DGKB: variants seen among roughly 807,000 people sequenced by gnomAD.
The protein encoded by DGKB is 90 kDa diacylglycerol kinase.
Under a neutral mutation model 114.3 loss-of-function variants are expected in DGKB, and 67 were observed. The observed-to-expected ratio is 0.59, with a 90% CI of 0.48 to 0.72. DGKB has a LOEUF of 0.72. Ranked by LOEUF, DGKB falls within the 30% of genes least tolerant of loss-of-function variation. The pLI is 0.00. For synonymous variants in DGKB, 398 were observed against 323.1 expected (o/e 1.23, Z -2.49); for missense variants, 907 against 975.2 (o/e 0.93, Z 0.93).
intron 13 of DGKB, among the ~76,000 whole-genome samples, chr7:14,672,688 T>G (rs987764226): frequency 3.3e-5 from 5 of 152,126 alleles, no homozygotes; most frequent in African/African-American, 1.2e-4. Flanking sequence ...GCAGCACGAC[T>G]AAGTGATAAA....
chr7:14,559,442 A>T (rs1796333997), intron 20 of DGKB, among the ~76,000 whole-genome samples: 1 of 152,110 alleles, frequency 6.6e-6, no homozygotes, highest in Non-Finnish European at 1.5e-5. Context: ...ACCCTCTGTA[A>T]AGGTAGCTGA....
At chr7:14,607,767 T>C (rs1201225298) in intron 16 of DGKB, among the ~76,000 whole-genome samples, 1 of 152,032 alleles carries the variant, frequency 6.6e-6, no homozygotes, top group Non-Finnish European at 1.5e-5. Context: ...GGATCCTTAA[T>C]ATGCACATAC....
chr7:14,823,281 T>C (rs1424637781), intron 2 of DGKB, among the ~76,000 whole-genome samples: 1 of 151,986 alleles, frequency 6.6e-6, no homozygotes, highest in Non-Finnish European at 1.5e-5. Context: ...TAAGACCTAT[T>C]TCTGCTTAAT....
intron 17 of DGKB, among the ~76,000 whole-genome samples, chr7:14,583,958 T>C (rs1171489276): frequency 6.6e-6 from 1 of 152,198 alleles, no homozygotes; most frequent in Non-Finnish European, 1.5e-5. Flanking sequence ...TAACAACTGA[T>C]AGTGATATAA....
rs568395156 is a variant in DGKB, at chr7:14,653,738, A to T, written c.1134+19191T>A. Among the ~76,000 whole-genome samples the T allele has an allele frequency of 5.5e-4, 84 of 152,264 alleles. 1 individual carries two copies. Among genetic ancestry groups the T allele is most frequent in the Non-Finnish European group, 6.8e-4 (46 of 68,010 alleles). ...GATGGTTCATATATGCAAATCAATA[A>T]ATGTGATATAATACATCAATAGAAT... On this transcript the variant is annotated intron_variant, in intron 13 of 25. Coordinates refer to ENST00000402815, the MANE Select transcript of DGKB (RefSeq NM_001350709.2).
chr7:14,606,826 A>T (rs749439097), intron 17 of DGKB, among the ~76,000 whole-genome samples: 1 of 152,208 alleles, frequency 6.6e-6, no homozygotes, highest in Non-Finnish European at 1.5e-5. Context: ...ACCTGTTAAC[A>T]ATGAAGTATA....
At chr7:14,755,732 A>T (rs886849509) in intron 3 of DGKB, among the ~76,000 whole-genome samples, 2 of 152,120 alleles carry the variant, frequency 1.3e-5, no homozygotes, top group African/African-American at 4.8e-5. Flanking sequence ...ATTATTTTCA[A>T]TTGGCTTTTA....
chr7:14,198,918 C>G (rs546662933), intron 23 of DGKB, among the ~76,000 whole-genome samples: 174 of 152,154 alleles, frequency 1.1e-3, no homozygotes, highest in Non-Finnish European at 1.5e-3. Flanking sequence ...TACAGCTATG[C>G]TGAAGGTCCC....
intron 1 of DGKB, among the ~76,000 whole-genome samples, chr7:14,859,175 G>A (rs558684561): frequency 5.9e-5 from 9 of 152,182 alleles, no homozygotes; most frequent in South Asian, 2.1e-4. Flanking sequence ...AGAAATGATC[G>A]AGGCAGAGAG....
In DGKB at chr7:14,913,554, G is replaced by A. The variant is rs185866911; in HGVS notation, c.-188+61142C>T. Among the ~76,000 whole-genome samples, 219 of 150,978 alleles carry A rather than the reference G, an allele frequency of 1.5e-3. 2 individuals are homozygous for A. The highest frequency in any genetic ancestry group is 5.3e-3 in the African/African-American group (216 of 41,070). On this transcript the variant is annotated intron_variant, in intron 1 of 4. Transcript: ENST00000437998. ...TCTGACATTAAGGACCTTTAACTAG[G>A]TGGAACCCAAGAAACAATTCTAATA...
intron 1 of DGKB, among the ~76,000 whole-genome samples, chr7:14,950,157 C>T (rs183815066): frequency 2.0e-5 from 3 of 151,612 alleles, no homozygotes; most frequent in Non-Finnish European, 4.4e-5. Flanking sequence ...GAAAATCCAA[C>T]ATGCTGGGAT....
At chr7:14,395,463 A>G (rs1161767250) in intron 21 of DGKB, among the ~76,000 whole-genome samples, 4 of 151,980 alleles carry the variant, frequency 2.6e-5, no homozygotes, top group African/African-American at 7.2e-5. Context: ...GAAATGTAAC[A>G]AAAAGGAAAA....
chr7:14,943,092 CTTTAT>C (rs575014357), intron 1 of DGKB, among the ~76,000 whole-genome samples: 25 of 151,864 alleles, frequency 1.6e-4, no homozygotes, highest in African/African-American at 6.0e-4. Flanking sequence ...TAATGGTGTG[CTTTAT>C]TTTCTTTCTT....
intron 13 of DGKB, among the ~76,000 whole-genome samples, chr7:14,659,473 T>C (rs565688130): frequency 0.013 from 1,903 of 150,926 alleles, 41 homozygotes; most frequent in African/African-American, 0.044. Context: ...GATTCCTAGG[T>C]ATTTTATTCT....
intron 10 of DGKB, among the ~76,000 whole-genome samples, chr7:14,683,203 A>C (rs1342410565): frequency 6.6e-6 from 1 of 152,176 alleles, no homozygotes; most frequent in African/African-American, 2.4e-5. Context: ...GAAGAGATCT[A>C]TATTTTACAA....
At chr7:14,500,908 A>G (rs2128954077) in intron 20 of DGKB, among the ~76,000 whole-genome samples, 1 of 152,056 alleles carries the variant, frequency 6.6e-6, no homozygotes, top group East Asian at 1.9e-4. Flanking sequence ...CAACGGCTGT[A>G]AACATTTCTA....
intron 2 of DGKB, among the ~76,000 whole-genome samples, chr7:14,821,076 G>C (rs1251633302): frequency 1.3e-5 from 2 of 152,012 alleles, no homozygotes; most frequent in African/African-American, 2.4e-5. Flanking sequence ...GATAAAAAAA[G>C]GTCTATTCAC....
At chr7:14,442,466 C>T (rs1830211727) in intron 21 of DGKB, among the ~76,000 whole-genome samples, 1 of 151,942 alleles carries the variant, frequency 6.6e-6, no homozygotes, top group Non-Finnish European at 1.5e-5. Context: ...TGTTTACTCT[C>T]TCTAGGTTTT....
intron 13 of DGKB, among the ~76,000 whole-genome samples, chr7:14,672,511 T>C (rs899087946): frequency 6.6e-6 from 1 of 152,064 alleles, no homozygotes; most frequent in African/African-American, 2.4e-5. Flanking sequence ...GGATGTGTCA[T>C]CATTTTAGGT....
Sources: gnomAD v4.1 joint callset for allele counts (sites outside exome capture counted in the v4.1 genomes callset) on GRCh38, gnomAD v4.1.1 for gene constraint, MANE v1.5 for transcripts, NCBI Gene and HGNC (gene_info 2026-07-23, HGNC 2026-07-21) for gene names.